Variants in TEC observed in about 807,000 individuals in gnomAD.
TEC encodes the protein tec protein tyrosine kinase.
TEC carries 72 observed loss-of-function variants against 93.0 expected under a neutral mutation model. The observed-to-expected ratio is 0.77, with a 90% CI of 0.64 to 0.94. The LOEUF (loss-of-function observed/expected upper bound fraction) is 0.94. TEC is among the 40% of genes least tolerant of loss of function. The pLI is 0.00. For missense variants in TEC, 630 were observed against 757.9 expected (o/e 0.83, Z 1.98); for synonymous variants, 249 against 247.7 (o/e 1.01, Z -0.05).
intron 1 of TEC, among the ~76,000 whole-genome samples, chr4:48,237,024 AAAAAT>A (rs1383231546): frequency 1.3e-5 from 2 of 152,214 alleles, no homozygotes; most frequent in African/African-American, 4.8e-5. Context: ...TTGTCAATTA[AAAAAT>A]AAAATTAAAA....
intron 7 of TEC, among the ~76,000 whole-genome samples, chr4:48,166,451 A>G (rs906461359): frequency 2.0e-5 from 3 of 152,194 alleles, no homozygotes; most frequent in Admixed American, 6.5e-5. Context: ...ATATTAAGGG[A>G]AAGTCTACAG....
intron 2 of TEC, among the ~76,000 whole-genome samples, chr4:48,207,459 T>C (rs1722751233): frequency 6.6e-6 from 1 of 152,058 alleles, no homozygotes; most frequent in Non-Finnish European, 1.5e-5. Flanking sequence ...AAGGAAAATA[T>C]GTTTTCAACA....
intron 1 of TEC, among the ~76,000 whole-genome samples, chr4:48,234,320 G>A (rs1414004574): frequency 6.6e-6 from 1 of 152,090 alleles, no homozygotes; most frequent in East Asian, 1.9e-4. Context: ...CCAAAACAAA[G>A]CAGGAAACCA....
At chr4:48,250,015 G>T (rs1023146912) in intron 1 of TEC, among the ~76,000 whole-genome samples, 1 of 152,160 alleles carries the variant, frequency 6.6e-6, no homozygotes, top group Admixed American at 6.5e-5. Context: ...CCATCTATAG[G>T]CTGATAACTC....
chr4:48,237,726 C>A (rs1158347372), intron 1 of TEC, among the ~76,000 whole-genome samples: 3 of 152,078 alleles, frequency 2.0e-5, no homozygotes, highest in Non-Finnish European at 2.9e-5. Flanking sequence ...TTGGTGATGT[C>A]CTCATATTAT....
intron 14 of TEC, among the ~76,000 whole-genome samples, chr4:48,142,802 T>A (rs922145711): frequency 3.3e-5 from 5 of 152,052 alleles, no homozygotes; most frequent in Admixed American, 2.6e-4. Flanking sequence ...TGCCTCAGCC[T>A]CCCGAGTAGC....
Position 48,148,509 on chromosome 4 carries a change from G to C in TEC, c.1006+1048C>G, listed in dbSNP as rs551866925. Among the ~76,000 whole-genome samples, 11 of 152,224 alleles carry C rather than the reference G, an allele frequency of 7.2e-5. No homozygotes were observed. The South Asian group carries it at 2.1e-3, about 29-fold the overall frequency. On this transcript the variant is annotated intron_variant, in intron 11 of 17. Coordinates refer to ENST00000381501, the MANE Select transcript of TEC (RefSeq NM_003215.3). ...GTTTGTTCCCACTCTGGTGGTAAGT[G>C]TACCAGAGATTCAAGACGGTTAACT...
intron 14 of TEC, among the ~76,000 whole-genome samples, chr4:48,143,471 TAAC>T (rs1440043841): frequency 6.6e-6 from 1 of 152,214 alleles, no homozygotes; most frequent in Non-Finnish European, 1.5e-5. Flanking sequence ...GACACAATGA[TAAC>T]AATAACTGAT....
chr4:48,267,111 G>A (rs1407262180), intron 1 of TEC, among the ~76,000 whole-genome samples: 2 of 152,202 alleles, frequency 1.3e-5, no homozygotes, highest in South Asian at 2.1e-4. Flanking sequence ...AGGGAGAAAT[G>A]TAACTTGGAT....
intron 2 of TEC, among the ~76,000 whole-genome samples, chr4:48,217,956 G>GA (rs35176630): frequency 0.25 from 33,000 of 134,216 alleles, 3,791 homozygotes; most frequent in East Asian, 0.35. Context: ...GCTTCCTAGA[G>GA]AAAAAAAAAA....
At chr4:48,160,609 C>G (rs1194349914) in intron 8 of TEC, among the ~76,000 whole-genome samples, 1 of 151,640 alleles carries the variant, frequency 6.6e-6, no homozygotes, top group African/African-American at 2.4e-5. Context: ...CACCTGTAAT[C>G]CCAGCTACCC....
At chr4:48,268,484 TG>T (rs758867990) in intron 1 of TEC, among the ~76,000 whole-genome samples, 27 of 152,306 alleles carry the variant, frequency 1.8e-4, no homozygotes, top group Non-Finnish European at 3.1e-4. Flanking sequence ...ACATTGAAAA[TG>T]TAACTAAACT....
intron 2 of TEC, among the ~76,000 whole-genome samples, chr4:48,223,717 T>G (rs1299635614): frequency 6.6e-6 from 1 of 152,220 alleles, no homozygotes; most frequent in Non-Finnish European, 1.5e-5. Flanking sequence ...AGGCTGATCC[T>G]TGCCTGGCAT....
chr4:48,141,987 T>C lies in TEC; in HGVS notation c.1471-568A>G, dbSNP rs917136657. 1.1e-4 allele frequency among the ~76,000 whole-genome samples: 17 copies of C among 152,278 alleles called. 1 individual carries two copies. Among genetic ancestry groups the C allele is most frequent in the African/African-American group, 4.1e-4 (17 of 41,564 alleles). On this transcript the variant is annotated intron_variant, in intron 14 of 17. Transcript: ENST00000381501. The stretch of plus-strand genomic sequence containing the variant: ...TCTTAAACAAGGGCTAATAGAAGGG[T>C]CAACTCACTTTTCTCCTTCCCAGAC...
chr4:48,177,388 G>A (rs540541514), intron 2 of TEC, among the ~76,000 whole-genome samples: 111 of 152,230 alleles, frequency 7.3e-4, no homozygotes, highest in African/African-American at 2.6e-3. Context: ...GAAGAACATC[G>A]TATTTGAGAT....
chr4:48,195,529 C>G (rs899434523), intron 2 of TEC, among the ~76,000 whole-genome samples: 1 of 152,124 alleles, frequency 6.6e-6, no homozygotes, highest in Non-Finnish European at 1.5e-5. Flanking sequence ...TACAACTGCT[C>G]GTACAGGTCG....
At chr4:48,164,979 C>G (rs1720822692) in intron 7 of TEC, among the ~76,000 whole-genome samples, 1 of 151,918 alleles carries the variant, frequency 6.6e-6, no homozygotes, top group Non-Finnish European at 1.5e-5. Context: ...CTCCAGCACT[C>G]CAGCCTGCGA....
intron 12 of TEC, among the ~76,000 whole-genome samples, chr4:48,146,042 C>G (rs772376766): frequency 5.9e-5 from 9 of 152,204 alleles, no homozygotes; most frequent in African/African-American, 2.2e-4. Flanking sequence ...GTTCTTGTAG[C>G]CAATAAAGCT....
intron 2 of TEC, among the ~76,000 whole-genome samples, chr4:48,227,663 T>G (rs2457409): frequency 7.5e-6 from 1 of 133,126 alleles, no homozygotes; most frequent in Admixed American, 7.5e-5. Context: ...AAAAAAAAAC[T>G]AAACCAGGAT....
Sources: gnomAD v4.1 joint callset for allele counts (sites outside exome capture counted in the v4.1 genomes callset) on GRCh38, gnomAD v4.1.1 for gene constraint, MANE v1.5 for transcripts, NCBI Gene and HGNC (gene_info 2026-07-23, HGNC 2026-07-21) for gene names.